LRP5: variants seen among roughly 807,000 people sequenced by gnomAD.
LRP5 encodes LDL receptor related protein 5.
Under a neutral mutation model 154.1 loss-of-function variants are expected in LRP5, and 62 were observed. That is an observed-to-expected ratio of 0.40 (90% CI 0.33 to 0.50). LRP5 has a LOEUF of 0.50. Ranked by LOEUF, LRP5 falls within the 20% of genes least tolerant of loss-of-function variation. LRP5 has a pLI of 0.55. For missense variants in LRP5, 1,915 were observed against 2,336.7 expected (o/e 0.82, Z 3.72); for synonymous variants, 966 against 1,011.5 (o/e 0.96, Z 0.85).
intron 1 of LRP5, among the ~76,000 whole-genome samples, chr11:68,346,137 G>A (rs541244299): frequency 1.1e-4 from 17 of 152,240 alleles, no homozygotes; most frequent in Non-Finnish European, 2.1e-4. Context: ...TTACTCTCTC[G>A]ATAGTGTCTT....
intron 7 of LRP5, among the ~76,000 whole-genome samples, chr11:68,394,561 G>C (rs1008589821): frequency 6.6e-6 from 1 of 152,074 alleles, no homozygotes; most frequent in Non-Finnish European, 1.5e-5. Flanking sequence ...TGCCTCCCGG[G>C]TTCATGCCAT....
In LRP5 at chr11:68,423,814, G is replaced by A. The variant is rs565236091; in HGVS notation, c.3236+117G>A. ...ACTTTCCACCCTGGGGATCCAATGG[G>A]TGGCTTTCCAGGGTCCCAAAAGCAA... is the stretch of plus-strand genomic sequence containing the variant. On this transcript the variant is annotated intron_variant, in intron 14 of 22. Coordinates refer to ENST00000294304, the MANE Select transcript of LRP5 (RefSeq NM_002335.4). This position sits in a 1 kb window ranked among gnomAD's most constrained non-coding sequence, Gnocchi z 4.7. 3 of 1,016,024 alleles carry A rather than the reference G, an allele frequency of 3.0e-6. No individual in the cohort carries two copies. The highest frequency in any genetic ancestry group is 4.3e-6 in the Non-Finnish European group (3 of 695,784). The allele number at this position is 1,016,024 out of a possible 1,614,324, so 62.9% of individuals were successfully genotyped here.
At chr11:68,374,809 A>G (rs2098636433) in intron 5 of LRP5, among the ~76,000 whole-genome samples, 1 of 152,210 alleles carries the variant, frequency 6.6e-6, no homozygotes, top group Non-Finnish European at 1.5e-5. Flanking sequence ...ACTCACTGTC[A>G]GGGCTGATGC....
At chr11:68,427,297 C>T (rs1467868056) in intron 16 of LRP5, among the ~76,000 whole-genome samples, 1 of 152,126 alleles carries the variant, frequency 6.6e-6, no homozygotes, top group East Asian at 1.9e-4. Flanking sequence ...GACCACAGTC[C>T]TTCCTCCCCT....
chr11:68,348,260 C>T lies in LRP5; in HGVS notation c.488+17C>T, dbSNP rs771242807. 2.5e-5 allele frequency: 40 copies of T among 1,602,168 alleles called. No individual in the cohort carries two copies. The highest frequency in any genetic ancestry group is 1.2e-5 in the Non-Finnish European group (14 of 1,179,968). On this transcript the variant is annotated intron_variant, in intron 2 of 22. Coordinates refer to ENST00000294304, the MANE Select transcript of LRP5 (RefSeq NM_002335.4). ...CGCTCACGGGTAAACCCTGCTGCGA[C>T]TCCACCTGGGTCCAGGGGGCGGGGA...
At chr11:68,303,960 A>G in the LRP5 span, among the ~76,000 whole-genome samples, 1 of 152,268 alleles carries the variant, frequency 6.6e-6, no homozygotes, top group South Asian at 2.1e-4. Flanking sequence ...ACAAAGAAAG[A>G]AAAAGCTTTT....
the LRP5 span, among the ~76,000 whole-genome samples, chr11:68,301,645 T>C: frequency 6.9e-6 from 1 of 145,556 alleles, no homozygotes; most frequent in East Asian, 2.0e-4. Flanking sequence ...TTTTTTGAGA[T>C]GGAGTTTCAC....
In LRP5 at chr11:68,370,644, CAG is replaced by C. The variant is rs571735702; in HGVS notation, c.1015+4943_1015+4944del. Among the ~76,000 whole-genome samples the C allele has an allele frequency of 2.5e-3, 382 of 152,354 alleles. 1 individual carries two copies. The highest frequency in any genetic ancestry group is 8.5e-3 in the African/African-American group (352 of 41,588). ...CCACGCTCCCTAGAGACTCAGCCGTCAGGGGTCACCTTTCTCTAGTCTTGTGG... is the reference window on the plus strand; with the variant it reads ...CCACGCTCCCTAGAGACTCAGCCGTCGGGTCACCTTTCTCTAGTCTTGTGG... On this transcript the variant is annotated intron_variant, in intron 5 of 22. Transcript: ENST00000294304.
chr11:68,403,164 G>A (rs1390359101), intron 7 of LRP5, among the ~76,000 whole-genome samples: 1 of 152,204 alleles, frequency 6.6e-6, no homozygotes, highest in Non-Finnish European at 1.5e-5. Flanking sequence ...AGAATCGCTT[G>A]AACCTGGGAG....
intron 5 of LRP5, among the ~76,000 whole-genome samples, chr11:68,377,623 C>T (rs1487818227): frequency 6.6e-6 from 1 of 152,244 alleles, no homozygotes; most frequent in Non-Finnish European, 1.5e-5. Context: ...AATCTGGCCG[C>T]CTGCCAGCTG....
rs760362830 is a variant in LRP5 at position 68,357,697 on chromosome 11, C to T, written c.536C>T (p.Ala179Val). 1 of 1,614,158 alleles carries T rather than the reference C, an allele frequency of 6.2e-7. No homozygotes were observed. ...GGTGAGACGCCCCGGATTGAGCGGG[C>T]AGGGATGGATGGCAGCACCCGGAAG... ...DWGETPRIER[A>V]GMDGSTRKII... The change falls in exon 3 of 23, where the codon GCA (alanine) becomes GTA (valine). Residue 179 changes from alanine (A) to valine (V), a missense_variant. By Grantham distance (64) the Ala-to-Val change is moderately conservative. Coordinates refer to ENST00000294304, the MANE Select transcript of LRP5 (RefSeq NM_002335.4).
In LRP5 at chr11:68,428,981, C is replaced by G. The variant is rs867654572; in HGVS notation, c.3638-594C>G. Among the ~76,000 whole-genome samples the G allele has an allele frequency of 9.1e-5, 12 of 131,526 alleles. No homozygotes were observed. The South Asian group carries it at 1.8e-3, about 20-fold the overall frequency. 86.3% of individuals were successfully genotyped at this position (131,526 alleles called of 152,430 possible). A position where few individuals can be genotyped will look rare whatever the true frequency, so the allele number is the denominator to read the frequency against. On this transcript the variant is annotated intron_variant, in intron 16 of 22. Transcript: ENST00000294304. ...GCACAGTGGCAGGTGCCTATTGTCC[C>G]AGCTACTTGGGAGGCTAAGGCAGGA...
intron 8 of LRP5, 144 bp downstream of exon 8, chr11:68,403,843 C>A: frequency 2.1e-6 from 2 of 933,242 alleles, no homozygotes; most frequent in Non-Finnish European, 1.6e-6. Context: ...CAGTATCTGG[C>A]CAAGGACAGA....
chr11:68,320,845 T>C (rs1283399630), intron 1 of LRP5, among the ~76,000 whole-genome samples: 1 of 152,190 alleles, frequency 6.6e-6, no homozygotes, highest in Non-Finnish European at 1.5e-5. Context: ...CAGGTTTCAC[T>C]GCTGGTCTGT....
chr11:68,388,966 C>T (rs1455318400), intron 6 of LRP5, among the ~76,000 whole-genome samples: 6 of 152,166 alleles, frequency 3.9e-5, no homozygotes, highest in African/African-American at 1.4e-4. Context: ...TGACCGACAC[C>T]GACATTTACC....
At chr11:68,436,126 G>A (rs923803857) in intron 18 of LRP5, among the ~76,000 whole-genome samples, 2 of 152,198 alleles carry the variant, frequency 1.3e-5, no homozygotes, top group African/African-American at 4.8e-5. Flanking sequence ...CGCGGTGCTG[G>A]TGGCAGGCCC....
At chr11:68,324,166 G>C (rs312025) in intron 1 of LRP5, among the ~76,000 whole-genome samples, 1 of 152,240 alleles carries the variant, frequency 6.6e-6, no homozygotes, top group Non-Finnish European at 1.5e-5. Flanking sequence ...TAGTCCTGCC[G>C]CAGAGCAGCC....
At chr11:68,380,195 A>C (rs2098639547) in intron 5 of LRP5, among the ~76,000 whole-genome samples, 2 of 152,236 alleles carry the variant, frequency 1.3e-5, no homozygotes, top group African/African-American at 4.8e-5. Flanking sequence ...CAGATGGCTC[A>C]CCATCTAGTT....
rs1413777053 is a variant in LRP5, at chr11:68,406,823, G to T, written c.2091+10G>T. On this transcript the variant is annotated intron_variant, in intron 9 of 22. Transcript: ENST00000294304. ...AGACGTCAGCCTGAAGGTAGCGTGG[G>T]CCAGAACGTGCACACAGGCAGCCTT... The T allele has an allele frequency of 6.2e-7, 1 of 1,613,078 alleles. No individual in the cohort carries two copies. Among genetic ancestry groups the T allele is most frequent in the East Asian group, 2.2e-5 (1 of 44,872 alleles).
Sources: allele counts gnomAD v4.1 joint callset (sites outside exome capture counted in the v4.1 genomes callset), GRCh38; gene constraint gnomAD v4.1.1; non-coding constraint Gnocchi (gnomAD v3.1); transcripts MANE v1.5; gene names NCBI Gene and HGNC (gene_info 2026-07-23, HGNC 2026-07-21).